Variants in AK5 observed in about 807,000 individuals in gnomAD.
AK5 encodes the protein adenylate kinase isoenzyme 5.
A neutral mutation model predicts 69.5 loss-of-function variants in AK5; 27 were observed. That is an observed-to-expected ratio of 0.39 (90% CI 0.29 to 0.54). The LOEUF (loss-of-function observed/expected upper bound fraction) is 0.54. AK5 is among the 20% of genes least tolerant of loss of function. The pLI is 0.71. For missense variants in AK5, 531 were observed against 700.4 expected (o/e 0.76, Z 2.73); for synonymous variants, 260 against 244.4 (o/e 1.06, Z -0.60).
chr1:77,497,268 G>A lies in AK5; in HGVS notation c.1147+10916G>A, dbSNP rs577198117. ...GTCCCCGAGACCATGAACCCACCGG[G>A]AGGAACAAACAACTCTGGATGTGCC... On this transcript the variant is annotated intron_variant, in intron 10 of 13. Transcript: ENST00000354567. Among the ~76,000 whole-genome samples, 15 of 152,246 alleles carry A rather than the reference G, an allele frequency of 9.9e-5. No individual in the cohort carries two copies. In the East Asian group the frequency reaches 2.3e-3, roughly 24 times the overall value.
intron 5 of AK5, among the ~76,000 whole-genome samples, chr1:77,300,327 A>T (rs182998767): frequency 1.3e-5 from 2 of 152,310 alleles, no homozygotes; most frequent in East Asian, 3.9e-4. Context: ...GTTTTCAACC[A>T]CACTTCTGAG....
chr1:77,282,375 T>TA lies in AK5; in HGVS notation c.60+3dup. The TA allele has an allele frequency of 1.3e-6, 2 of 1,548,882 alleles. No individual in the cohort carries two copies. Among genetic ancestry groups the TA allele is most frequent in the Non-Finnish European group, 1.7e-6 (2 of 1,146,464 alleles). On this transcript the variant is annotated splice_region_variant and intron_variant, in intron 1 of 13. Coordinates refer to ENST00000354567, the MANE Select transcript of AK5 (RefSeq NM_174858.3). ...AGGGAAATCCCTCAGCTTTTTGAGG[T>TA]AGGGCTAGAGCTGGCCGACGGGCGG...
intron 6 of AK5, among the ~76,000 whole-genome samples, chr1:77,355,809 A>G (rs1478973403): frequency 6.6e-6 from 1 of 151,816 alleles, no homozygotes; most frequent in Admixed American, 6.6e-5. Context: ...CCTTCAATAT[A>G]TATTTACTAA....
At chr1:77,449,459 T>G (rs1368103702) in intron 8 of AK5, among the ~76,000 whole-genome samples, 1 of 152,224 alleles carries the variant, frequency 6.6e-6, no homozygotes. Context: ...ATACCTCCAT[T>G]GTGTCTGGGA....
rs116434837 is a variant in AK5, at chr1:77,366,204, G to C, written c.891+25636G>C. The stretch of plus-strand genomic sequence containing the variant: ...GAGACAGAAAAAAACAAGTTTTATA[G>C]TCAGGTCCTACTTAGTTTCTTTAAG... On this transcript the variant is annotated intron_variant, in intron 6 of 13. Transcript: ENST00000354567. Among the ~76,000 whole-genome samples, 565 of 152,278 alleles carry C rather than the reference G, an allele frequency of 3.7e-3. 6 individuals are homozygous for C. The highest frequency in any genetic ancestry group is 0.013 in the African/African-American group (526 of 41,556).
chr1:77,422,213 C>T (rs777482470), intron 8 of AK5, among the ~76,000 whole-genome samples: 1 of 152,136 alleles, frequency 6.6e-6, no homozygotes. Flanking sequence ...ACTCCACTGC[C>T]CATGCTTTGG....
At chr1:77,426,498 T>C (rs1651218733) in intron 8 of AK5, among the ~76,000 whole-genome samples, 1 of 152,174 alleles carries the variant, frequency 6.6e-6, no homozygotes, top group Non-Finnish European at 1.5e-5. Context: ...ACTAGTAGAA[T>C]AGCAAGGAGA....
intron 5 of AK5, among the ~76,000 whole-genome samples, chr1:77,304,149 G>T (rs373245764): frequency 6.6e-6 from 1 of 151,718 alleles, no homozygotes; most frequent in Admixed American, 6.6e-5. Flanking sequence ...TCCACCCCCC[G>T]ACACATCCGC....
chr1:77,386,366 T>C (rs1485814385), intron 6 of AK5, among the ~76,000 whole-genome samples: 3 of 152,166 alleles, frequency 2.0e-5, no homozygotes, highest in Non-Finnish European at 1.5e-5. Flanking sequence ...TGATGTAGGC[T>C]TCAGTTCATG....
rs1553139695 is a variant in AK5, at chr1:77,367,569, A to ATATATATATATATATATATTATATATGT, written c.891+27011_891+27012insTATATATATTATATATGTTATATATATA. ...ATTTATGTTATTTTTATATATATAT[A>ATATATATATATATATATATTATATATGT]TATATATATAATATATATGTTATAT... On this transcript the variant is annotated intron_variant, in intron 6 of 13. Coordinates refer to ENST00000354567, the MANE Select transcript of AK5 (RefSeq NM_174858.3). Among the ~76,000 whole-genome samples the ATATATATATATATATATATTATATATGT allele has an allele frequency of 7.3e-4, 23 of 31,620 alleles. 1 individual carries two copies. The highest frequency in any genetic ancestry group is 4.5e-3 in the East Asian group (2 of 446). The allele number at this position is 31,620 out of a possible 152,430, so 20.7% of individuals were successfully genotyped here.
chr1:77,532,956 T>C (rs953800771), intron 12 of AK5, among the ~76,000 whole-genome samples: 13 of 152,244 alleles, frequency 8.5e-5, no homozygotes, highest in African/African-American at 3.1e-4. Flanking sequence ...CAAGGGACTT[T>C]CTAATGATAC....
intron 8 of AK5, among the ~76,000 whole-genome samples, chr1:77,453,470 G>A (rs1653282832): frequency 6.6e-6 from 1 of 152,156 alleles, no homozygotes; most frequent in African/African-American, 2.4e-5. Context: ...TTTCACTGCA[G>A]TATAGTATTC....
intron 3 of AK5, among the ~76,000 whole-genome samples, chr1:77,295,155 C>T (rs1339704204): frequency 6.6e-6 from 1 of 152,146 alleles, no homozygotes; most frequent in Non-Finnish European, 1.5e-5. Flanking sequence ...ACAGAGATGA[C>T]CAAAAGCAAA....
At chr1:77,537,452 A>G (rs558077570) in intron 13 of AK5, among the ~76,000 whole-genome samples, 1 of 152,334 alleles carries the variant, frequency 6.6e-6, no homozygotes, top group Admixed American at 6.5e-5. Context: ...TTCAATCTAG[A>G]AAGCTCAATC....
At chr1:77,411,422 T>A (rs1292713265) in intron 7 of AK5, among the ~76,000 whole-genome samples, 1 of 152,062 alleles carries the variant, frequency 6.6e-6, no homozygotes, top group East Asian at 1.9e-4. Context: ...ATACGATAGG[T>A]TTCTACCTCA....
chr1:77,435,979 T>C (rs572804295), intron 8 of AK5, among the ~76,000 whole-genome samples: 2 of 152,342 alleles, frequency 1.3e-5, no homozygotes, highest in East Asian at 3.9e-4. Flanking sequence ...GATGGCATGC[T>C]TAAGCCGTTA....
intron 10 of AK5, among the ~76,000 whole-genome samples, chr1:77,514,456 T>C (rs1367743556): frequency 6.6e-6 from 1 of 152,210 alleles, no homozygotes. Context: ...AGTTAAGACC[T>C]CAAAGATATG....
chr1:77,309,209 C>T (rs1442259010), intron 5 of AK5, among the ~76,000 whole-genome samples: 1 of 151,806 alleles, frequency 6.6e-6, no homozygotes, highest in Non-Finnish European at 1.5e-5. Context: ...TGTAACAAAC[C>T]TGCACATCCT....
chr1:77,286,526 A>G (rs1052823991), intron 1 of AK5, among the ~76,000 whole-genome samples: 1 of 151,992 alleles, frequency 6.6e-6, no homozygotes, highest in Non-Finnish European at 1.5e-5. Flanking sequence ...ATCAGAATTC[A>G]AAGATGAGCC....
Sources: allele counts gnomAD v4.1 joint callset (sites outside exome capture counted in the v4.1 genomes callset), GRCh38; gene constraint gnomAD v4.1.1; transcripts MANE v1.5; gene names NCBI Gene and HGNC (gene_info 2026-07-23, HGNC 2026-07-21).